The following VPS13A variants were observed in gnomAD, a reference collection of about 807,000 sequenced individuals.
VPS13A encodes intermembrane lipid transfer protein VPS13A.
VPS13A carries 264 observed loss-of-function variants against 390.9 expected under a neutral mutation model. The observed-to-expected ratio is 0.68, with a 90% CI of 0.61 to 0.75. The LOEUF (loss-of-function observed/expected upper bound fraction) is 0.75, where lower values mean the gene tolerates loss of function less well. Among genes scored for constraint, VPS13A ranks in the 30% least tolerant of loss-of-function variants. The pLI is 0.00. For synonymous variants in VPS13A, 1,231 were observed against 1,227.1 expected (o/e 1.00, Z -0.07); for missense variants, 3,409 against 3,733.9 (o/e 0.91, Z 2.27).
chr9:77,379,205 TG>T (rs1833290863), intron 67 of VPS13A, among the ~76,000 whole-genome samples: 1 of 150,934 alleles, frequency 6.6e-6, no homozygotes. Flanking sequence ...CCTGAGTAGC[TG>T]GGATTACAGG....
chr9:77,238,438 CTT>C, intron 19 of VPS13A, 52 bp downstream of exon 19: 1 of 1,305,206 alleles, frequency 7.7e-7, no homozygotes. Flanking sequence ...CTATATTAAA[CTT>C]TTATTTATGG....
At chr9:77,407,104 ATATG>A (rs1834652206) in intron 70 of VPS13A, among the ~76,000 whole-genome samples, 1 of 152,180 alleles carries the variant, frequency 6.6e-6, no homozygotes, top group Admixed American at 6.5e-5. Context: ...CACATACAAT[ATATG>A]TATGTGTTTA....
chr9:77,411,558 G>C (rs1469368005), intron 71 of VPS13A, among the ~76,000 whole-genome samples: 1 of 150,640 alleles, frequency 6.6e-6, no homozygotes, highest in African/African-American at 2.4e-5. Context: ...AGCTACGCGG[G>C]AGGCTGAGGC....
intron 10 of VPS13A, among the ~76,000 whole-genome samples, chr9:77,214,872 C>G (rs1226664630): frequency 5.3e-5 from 8 of 152,160 alleles, no homozygotes; most frequent in Admixed American, 4.6e-4. Context: ...AAAATCAGTG[C>G]TGTTTCTCAG....
chr9:77,339,213 A>G, intron 47 of VPS13A: 1 of 317,574 alleles, frequency 3.1e-6, no homozygotes, highest in Non-Finnish European at 5.8e-6. Context: ...TACCAATTAT[A>G]GTGTTTTATG....
At chr9:77,312,973 T>C (rs1239866647) in intron 35 of VPS13A, among the ~76,000 whole-genome samples, 1 of 152,090 alleles carries the variant, frequency 6.6e-6, no homozygotes, top group Admixed American at 6.5e-5. Flanking sequence ...ACAAAATGAC[T>C]CATTTAGGAA....
chr9:77,224,822 C>T (rs900968878), intron 13 of VPS13A, among the ~76,000 whole-genome samples: 26 of 152,146 alleles, frequency 1.7e-4, no homozygotes, highest in Non-Finnish European at 8.8e-5. Context: ...TATCAAACAG[C>T]GTTGTACGCT....
chr9:77,256,654 A>G (rs944502484), intron 22 of VPS13A, among the ~76,000 whole-genome samples: 1 of 151,796 alleles, frequency 6.6e-6, no homozygotes, highest in South Asian at 2.1e-4. Context: ...CTTGCTTTAT[A>G]TATTTTTGAA....
chr9:77,325,281 C>T (rs115440588), intron 45 of VPS13A, among the ~76,000 whole-genome samples: 2,179 of 152,246 alleles, frequency 0.014, 49 homozygotes, highest in African/African-American at 0.05. Flanking sequence ...TGCTTCCTGC[C>T]GTGCAGCCCA....
chr9:77,244,494 T>TC (rs1314325973), intron 19 of VPS13A, among the ~76,000 whole-genome samples: 1 of 152,180 alleles, frequency 6.6e-6, no homozygotes, highest in Non-Finnish European at 1.5e-5. Context: ...CTGCCCTCGT[T>TC]CTGCTGTGAA....
chr9:77,246,449 A>G (rs960262725), intron 19 of VPS13A, among the ~76,000 whole-genome samples: 4 of 150,916 alleles, frequency 2.7e-5, no homozygotes, highest in Non-Finnish European at 5.9e-5. Flanking sequence ...ATTCAAATAT[A>G]CTGACCTGCC....
At chr9:77,194,362 G>GC (rs1554856722) in intron 1 of VPS13A, among the ~76,000 whole-genome samples, 13 of 93,430 alleles carry the variant, frequency 1.4e-4, no homozygotes, top group Non-Finnish European at 2.8e-4. Context: ...GATGGGGGTT[G>GC]GGGGGGGCGC....
intron 12 of VPS13A, 88 bp downstream of exon 12, chr9:77,220,471 A>G (rs1441020784): frequency 2.1e-6 from 2 of 931,848 alleles, no homozygotes; most frequent in African/African-American, 3.4e-5. Flanking sequence ...TCTTTAAGAT[A>G]TACCATTTTT....
At chr9:77,234,146 A>G (rs1383935203) in intron 17 of VPS13A, among the ~76,000 whole-genome samples, 1 of 152,158 alleles carries the variant, frequency 6.6e-6, no homozygotes, top group Non-Finnish European at 1.5e-5. Context: ...TTCTTGTCAC[A>G]GTTTTCTATT....
intron 2 of VPS13A, 97 bp downstream of exon 2, chr9:77,200,085 GAA>G: frequency 8.3e-7 from 1 of 1,200,478 alleles, no homozygotes; most frequent in Non-Finnish European, 1.2e-6. Flanking sequence ...TTAAATTTGA[GAA>G]AGTTTTTTGT....
Position 77,415,956 on chromosome 9 carries a change from TG to T in VPS13A, c.9477del (p.Trp3159Ter). On this transcript the variant is annotated frameshift_variant and splice_region_variant, in exon 72 of 72. Transcript: ENST00000360280. LOFTEE classifies it high-confidence loss of function. ...INFKTPEDARWILTKLQEARE... is the reference protein window; with the variant it reads ...INFKTPEDARXILTKLQEARE... ...ATGTTCATTTATTTTCCCACCGCAG[TG>T]GATCCTCACAAAGCTACAAGAAGCA... The T allele has an allele frequency of 6.2e-7, 1 of 1,613,404 alleles. No individual in the cohort carries two copies.
chr9:77,345,900 C>T (rs892609532), intron 52 of VPS13A, among the ~76,000 whole-genome samples: 10 of 152,042 alleles, frequency 6.6e-5, no homozygotes, highest in African/African-American at 2.4e-4. Context: ...ATTCTCTCAT[C>T]TATTTAAGAT....
At position 77,420,909 on chromosome 9, in the gene VPS13A, C is replaced by T. The variant is rs976367893; in HGVS notation, c.*4903C>T. ...GAAAAACATTCAAGTAAAAATGTAGCATAGATTACACTGAAATATTTTCAG... is the reference window on the plus strand; with the variant it reads ...GAAAAACATTCAAGTAAAAATGTAGTATAGATTACACTGAAATATTTTCAG... On this transcript the variant is annotated 3_prime_UTR_variant, in exon 72 of 72. Transcript: ENST00000360280. The T allele has an allele frequency of 6.6e-6, 1 of 152,100 alleles. No homozygotes were observed. The highest frequency in any genetic ancestry group is 1.5e-5 in the Non-Finnish European group (1 of 68,016). 9.4% of individuals were successfully genotyped at this position (152,100 alleles called of 1,614,324 possible).
Position 77,359,343 on chromosome 9 carries a change from C to G in VPS13A, c.8046C>G (p.Pro2682=), listed in dbSNP as rs753580418. Residue 2682 remains proline (P), a synonymous_variant, in exon 58 of 72, where the codon CCC becomes CCG. Transcript: ENST00000360280. The part of the protein sequence containing the change: ...KSVTMDSAPK[P]FTDVSIVMRS... ...TTATAACCTTTACAGCACCAAAGCC[C>G]TTTACAGATGTCAGTATTGTCATGA... 1.5e-5 allele frequency: 24 copies of G among 1,613,416 alleles called. No homozygotes were observed. The Admixed American group carries it at 1.5e-4, about 10-fold the overall frequency.
Sources: allele counts gnomAD v4.1 joint callset (sites outside exome capture counted in the v4.1 genomes callset), GRCh38; gene constraint gnomAD v4.1.1; transcripts MANE v1.5; gene names NCBI Gene and HGNC (gene_info 2026-07-23, HGNC 2026-07-21).